ROR1: variants seen among roughly 807,000 people sequenced by gnomAD.
The protein encoded by ROR1 is ROR family WNT receptor 1, also known as inactive tyrosine-protein kinase transmembrane receptor ROR1.
A neutral mutation model predicts 78.8 loss-of-function variants in ROR1; 19 were observed. The observed-to-expected ratio is 0.24, with a 90% confidence interval of 0.17 to 0.35. ROR1 has a LOEUF of 0.35. Among genes scored for constraint, ROR1 ranks in the 10% least tolerant of loss-of-function variants. The pLI is 1.00. For missense variants in ROR1, 917 were observed against 1,177.8 expected (o/e 0.78, Z 3.24); for synonymous variants, 386 against 433.6 (o/e 0.89, Z 1.36).
At chr1:64,081,653 G>A (rs899689860) in intron 4 of ROR1, among the ~76,000 whole-genome samples, 3 of 151,208 alleles carry the variant, frequency 2.0e-5, no homozygotes, top group Admixed American at 2.0e-4. Context: ...TGCCTGTGGT[G>A]CCAGCTACTC....
intron 1 of ROR1, among the ~76,000 whole-genome samples, chr1:63,902,230 T>C (rs982607223): frequency 1.3e-5 from 2 of 152,176 alleles, no homozygotes; most frequent in African/African-American, 4.8e-5. Context: ...ATTTTAAATA[T>C]AATTCATAGT....
At chr1:63,882,112 A>G (rs537262240) in intron 1 of ROR1, among the ~76,000 whole-genome samples, 1 of 152,288 alleles carries the variant, frequency 6.6e-6, no homozygotes, top group Admixed American at 6.5e-5. Context: ...AGACCTGAAA[A>G]TTAGTAGGAG....
chr1:63,996,770 C>T (rs974300905), intron 1 of ROR1, among the ~76,000 whole-genome samples: 10 of 151,892 alleles, frequency 6.6e-5, no homozygotes, highest in Non-Finnish European at 1.5e-4. Flanking sequence ...GGGGGTTAGA[C>T]AAAAACAAAA....
intron 1 of ROR1, among the ~76,000 whole-genome samples, chr1:63,988,689 C>A (rs986056723): frequency 2.0e-5 from 3 of 152,158 alleles, no homozygotes; most frequent in African/African-American, 7.2e-5. Context: ...ACTTTCTGTC[C>A]CTATGATTTT....
At chr1:64,039,707 CA>C (rs1557622412) in intron 2 of ROR1, among the ~76,000 whole-genome samples, 2 of 152,306 alleles carry the variant, frequency 1.3e-5, no homozygotes, top group South Asian at 4.1e-4. Flanking sequence ...ACTGAAATCA[CA>C]GAGATGACTT....
chr1:63,837,138 T>G (rs945781539), intron 1 of ROR1, among the ~76,000 whole-genome samples: 3 of 152,192 alleles, frequency 2.0e-5, no homozygotes, highest in African/African-American at 7.2e-5. Context: ...CTGCTTACCC[T>G]TTCAGTGAGA....
intron 1 of ROR1, among the ~76,000 whole-genome samples, chr1:63,951,559 T>C (rs1645935928): frequency 6.6e-6 from 1 of 152,160 alleles, no homozygotes; most frequent in Non-Finnish European, 1.5e-5. Flanking sequence ...GAGAATGATC[T>C]CTCACACAGA....
intron 1 of ROR1, among the ~76,000 whole-genome samples, chr1:63,934,638 C>T (rs1169502637): frequency 6.6e-6 from 1 of 152,214 alleles, no homozygotes; most frequent in Non-Finnish European, 1.5e-5. Context: ...TCTAATTTAA[C>T]ACTTATTTAA....
rs187193147 is a variant in ROR1, at chr1:63,816,373, A to C, written c.91+41865A>C. 9.8e-5 allele frequency among the ~76,000 whole-genome samples: 15 copies of C among 152,288 alleles called. No individual in the cohort carries two copies. In the South Asian group the frequency reaches 2.1e-3, roughly 21 times the overall value. ...AGCAGGTCTTTCCCATGCTGTTCTCATGACAGTGAGTAAGTCTCATGAAAC... is the reference window on the plus strand; with the variant it reads ...AGCAGGTCTTTCCCATGCTGTTCTCCTGACAGTGAGTAAGTCTCATGAAAC... On this transcript the variant is annotated intron_variant, in intron 1 of 8. Transcript: ENST00000371079.
At chr1:63,928,234 C>T (rs1480013312) in intron 1 of ROR1, among the ~76,000 whole-genome samples, 1 of 152,156 alleles carries the variant, frequency 6.6e-6, no homozygotes, top group Non-Finnish European at 1.5e-5. Context: ...AAAGCTCCAA[C>T]TGCAATGAGG....
intron 4 of ROR1, among the ~76,000 whole-genome samples, chr1:64,131,765 C>T (rs975663732): frequency 2.0e-4 from 31 of 152,026 alleles, no homozygotes; most frequent in African/African-American, 7.2e-4. Flanking sequence ...CATGTGTGTG[C>T]CACCATGCCC....
intron 1 of ROR1, among the ~76,000 whole-genome samples, chr1:63,958,303 T>G (rs921123090): frequency 1.3e-5 from 2 of 152,166 alleles, no homozygotes; most frequent in African/African-American, 4.8e-5. Flanking sequence ...CTTATTCTTT[T>G]TTGTGAGTCC....
intron 8 of ROR1, among the ~76,000 whole-genome samples, chr1:64,172,267 G>A (rs1164059505): frequency 1.3e-5 from 2 of 152,042 alleles, no homozygotes; most frequent in South Asian, 2.1e-4. Context: ...TAAATGACTC[G>A]CATCTAAAAT....
At chr1:63,869,448 C>T (rs1442102059) in intron 1 of ROR1, among the ~76,000 whole-genome samples, 4 of 152,144 alleles carry the variant, frequency 2.6e-5, no homozygotes, top group African/African-American at 9.7e-5. Flanking sequence ...CCTTGAGATG[C>T]TGTGCACCTT....
At chr1:63,894,401 C>T (rs1353406284) in intron 1 of ROR1, among the ~76,000 whole-genome samples, 1 of 152,120 alleles carries the variant, frequency 6.6e-6, no homozygotes, top group Non-Finnish European at 1.5e-5. Context: ...TAAGAGAAAG[C>T]AATTTGATGG....
chr1:63,897,991 C>T (rs184495440), intron 1 of ROR1, among the ~76,000 whole-genome samples: 33 of 152,266 alleles, frequency 2.2e-4, no homozygotes, highest in South Asian at 1.9e-3. Flanking sequence ...AGAGGGAAGG[C>T]GTGGAGGGTT....
intron 1 of ROR1, among the ~76,000 whole-genome samples, chr1:63,958,286 C>T (rs1443903200): frequency 6.6e-6 from 1 of 152,162 alleles, no homozygotes; most frequent in Non-Finnish European, 1.5e-5. Context: ...AATAGTATGA[C>T]AGTTAACTTA....
At chr1:63,779,471 G>A (rs1292717227) in intron 1 of ROR1, among the ~76,000 whole-genome samples, 3 of 152,014 alleles carry the variant, frequency 2.0e-5, no homozygotes, top group Non-Finnish European at 2.9e-5. Context: ...GAGACTGTTC[G>A]GTAGAAACTG....
Position 63,843,246 on chromosome 1 carries a change from A to T in ROR1, c.91+68738A>T, listed in dbSNP as rs546260060. 80 of 1,508,004 alleles carry T rather than the reference A, an allele frequency of 5.3e-5. 1 individual carries two copies. The South Asian group carries it at 8.8e-4, about 17-fold the overall frequency. 93.4% of individuals were successfully genotyped at this position (1,508,004 alleles called of 1,614,324 possible). ...CGCACTGCCCCCCAGCTTCTCTGCC[A>T]GGGTGCAGCGGTCCTTGACCTCCTT... On this transcript the variant is annotated intron_variant, in intron 1 of 8. Coordinates refer to ENST00000371079, the MANE Select transcript of ROR1 (RefSeq NM_005012.4).
Sources: allele counts gnomAD v4.1 joint callset (sites outside exome capture counted in the v4.1 genomes callset), GRCh38; gene constraint gnomAD v4.1.1; transcripts MANE v1.5; gene names NCBI Gene and HGNC (gene_info 2026-07-23, HGNC 2026-07-21).